TXNRD3: variants seen among roughly 807,000 people sequenced by gnomAD.
TXNRD3 encodes the protein thioredoxin reductase 3.
TXNRD3 carries 68 observed loss-of-function variants against 78.2 expected under a neutral mutation model. The ratio of observed to expected loss-of-function variants is 0.87; its 90% CI spans 0.72 to 1.06. The LOEUF is 1.06. Among genes scored for constraint, TXNRD3 ranks in the 50% least tolerant of loss-of-function variants. The pLI is 0.00. For synonymous variants in TXNRD3, 296 were observed against 300.1 expected (o/e 0.99, Z 0.14); for missense variants, 751 against 809.5 (o/e 0.93, Z 0.88).
chr3:126,647,312 A>G lies in TXNRD3; in HGVS notation c.244-16T>C, dbSNP rs1049845206. On this transcript the variant is annotated splice_polypyrimidine_tract_variant and intron_variant, in intron 1 of 15. Transcript: ENST00000524230. ...GTTCTTTCACCTGTAAAAAAAATTT[A>G]GCTAAGTTTCACTCTCAGAAAAGAT... The G allele has an allele frequency of 1.4e-5, 22 of 1,529,510 alleles. No individual in the cohort carries two copies. Among genetic ancestry groups the G allele is most frequent in the Non-Finnish European group, 1.8e-5 (21 of 1,141,652 alleles). 94.7% of individuals were successfully genotyped at this position (1,529,510 alleles called of 1,614,324 possible). A position where few individuals can be genotyped will look rare whatever the true frequency, so the allele number is the denominator to read the frequency against.
rs372380777 is a variant in TXNRD3, at chr3:126,607,843, G to A, written c.*62C>T. 13 of 1,372,908 alleles carry A rather than the reference G, an allele frequency of 9.5e-6. No homozygotes were observed. The highest frequency in any genetic ancestry group is 2.9e-5 in the African/African-American group (2 of 69,804). The allele number at this position is 1,372,908 out of a possible 1,614,324, so 85.0% of individuals were successfully genotyped here. A position where few individuals can be genotyped will look rare whatever the true frequency, so the allele number is the denominator to read the frequency against. On this transcript the variant is annotated 3_prime_UTR_variant, in exon 16 of 16. Coordinates refer to ENST00000524230, the MANE Select transcript of TXNRD3 (RefSeq NM_052883.3). Reference sequence around the variant, plus strand: ...TCATGAGCACAGGCTCATTTTATCCGAGAGCATTCTTATCTTTGAGAGAAA... The same window carrying A: ...TCATGAGCACAGGCTCATTTTATCCAAGAGCATTCTTATCTTTGAGAGAAA...
In TXNRD3 at chr3:126,616,544, C is replaced by T. The variant is rs1364152540; in HGVS notation, c.1525-1082G>A. Among the ~76,000 whole-genome samples the T allele has an allele frequency of 3.9e-5, 6 of 152,126 alleles. No individual in the cohort carries two copies. The South Asian group carries it at 8.3e-4, about 21-fold the overall frequency. On this transcript the variant is annotated intron_variant, in intron 12 of 15. Transcript: ENST00000524230. The stretch of plus-strand genomic sequence containing the variant: ...GGAAGAAATGGACCTGCAGAGTTGT[C>T]GCCAAGTTAGGCCAAGGAGGAGCAC...
intron 7 of TXNRD3, among the ~76,000 whole-genome samples, chr3:126,632,567 G>T (rs1938745509): frequency 6.6e-6 from 1 of 151,136 alleles, no homozygotes; most frequent in African/African-American, 2.4e-5. Flanking sequence ...GGCTGAGGTG[G>T]GAGAATTGCT....
At chr3:126,650,839 T>C (rs1370157283) in intron 1 of TXNRD3, among the ~76,000 whole-genome samples, 2 of 152,220 alleles carry the variant, frequency 1.3e-5, no homozygotes, top group Non-Finnish European at 2.9e-5. Context: ...CCAGCTTACA[T>C]GGCATTTTCT....
At chr3:126,638,863 T>C (rs1932986261) in intron 6 of TXNRD3, among the ~76,000 whole-genome samples, 1 of 152,240 alleles carries the variant, frequency 6.6e-6, no homozygotes, top group Non-Finnish European at 1.5e-5. Context: ...AGAATTAACG[T>C]CATTTGACCC....
At chr3:126,609,016 G>A in intron 14 of TXNRD3, 1 of 249,474 alleles carries the variant, frequency 4.0e-6, no homozygotes. Flanking sequence ...ATAAGAGGTT[G>A]CTGGCCCAGG....
At chr3:126,616,203 T>C (rs1938316691) in intron 12 of TXNRD3, among the ~76,000 whole-genome samples, 1 of 152,112 alleles carries the variant, frequency 6.6e-6, no homozygotes, top group African/African-American at 2.4e-5. Context: ...CTGGAATACT[T>C]TGGTGGGTGA....
At chr3:126,644,087 A>G (rs1393904489) in intron 4 of TXNRD3, 34 bp from the exon 5 acceptor site, 1 of 1,530,884 alleles carries the variant, frequency 6.5e-7, no homozygotes, top group Admixed American at 2.0e-5. Context: ...TTACGTATAA[A>G]GATCTTGTCA....
rs73859553 is a variant in TXNRD3 at position 126,628,075 on chromosome 3, A to C, written c.1290+1304T>G. On this transcript the variant is annotated intron_variant, in intron 10 of 15. Transcript: ENST00000524230. ...TCAACAAATTAACAGATTAAAGAAA[A>C]AATTCATCATCCACAGCTGCAAACG... is the stretch of plus-strand genomic sequence containing the variant. 4.9e-3 allele frequency among the ~76,000 whole-genome samples: 747 copies of C among 152,302 alleles called. 6 individuals are homozygous for C. The highest frequency in any genetic ancestry group is 0.017 in the African/African-American group (699 of 41,570).
intron 1 of TXNRD3, among the ~76,000 whole-genome samples, chr3:126,650,684 C>T (rs1455314371): frequency 6.6e-6 from 1 of 152,052 alleles, no homozygotes; most frequent in Non-Finnish European, 1.5e-5. Flanking sequence ...TGAAACTAAA[C>T]TTCCAGCCAT....
chr3:126,631,991 A>G (rs1938726191), intron 7 of TXNRD3, 112 bp from the exon 8 acceptor site: 4 of 682,958 alleles, frequency 5.9e-6, no homozygotes, highest in South Asian at 3.5e-5. Context: ...AACAGCAGAC[A>G]TGTGAAAAAG....
Position 126,608,543 on chromosome 3 carries a change from G to T in TXNRD3, c.1819C>A (p.Gln607Lys), listed in dbSNP as rs931017782. 18 of 1,535,978 alleles carry T rather than the reference G, an allele frequency of 1.2e-5. No homozygotes were observed. The highest frequency in any genetic ancestry group is 1.6e-5 in the Non-Finnish European group (18 of 1,146,844). ...ATTCCAATGGTGTCATCAAGTAGCT[G>T]TTTTGTGAGCCCACATTTCATTGCA... The change falls in exon 15 of 16, where the codon CAG becomes AAG. Residue 607 changes from glutamine to lysine, a missense_variant. Gln to Lys is a moderately conservative substitution (Grantham distance 53). Coordinates refer to ENST00000524230, the MANE Select transcript of TXNRD3 (RefSeq NM_052883.3).
intron 12 of TXNRD3, among the ~76,000 whole-genome samples, 155 bp downstream of exon 12, chr3:126,621,587 C>A (rs1938457884): frequency 6.6e-6 from 1 of 152,218 alleles, no homozygotes; most frequent in African/African-American, 2.4e-5. Context: ...CTCAAAAATA[C>A]TTATTTTAAT....
chr3:126,624,848 T>G, intron 10 of TXNRD3: 1 of 210,906 alleles, frequency 4.7e-6, no homozygotes, highest in South Asian at 8.7e-5. Flanking sequence ...AGGTAGAAAA[T>G]AAAGTGGCTG....
intron 6 of TXNRD3, among the ~76,000 whole-genome samples, chr3:126,637,661 T>C (rs543124933): frequency 4.4e-4 from 67 of 152,236 alleles, no homozygotes; most frequent in African/African-American, 1.6e-3. Flanking sequence ...ATGGAAGAAT[T>C]TTGCCATCTA....
chr3:126,644,670 C>G (rs1215484652), intron 3 of TXNRD3, among the ~76,000 whole-genome samples: 1 of 152,226 alleles, frequency 6.6e-6, no homozygotes, highest in African/African-American at 2.4e-5. Flanking sequence ...GGTTGTGGCT[C>G]TGTACCTATG....
At chr3:126,637,794 CCTTT>C (rs1362841195) in intron 6 of TXNRD3, among the ~76,000 whole-genome samples, 3 of 151,642 alleles carry the variant, frequency 2.0e-5, no homozygotes, top group Non-Finnish European at 4.4e-5. Context: ...ATGTTGCTTC[CCTTT>C]CTATTTTTTC....
At chr3:126,638,419 TAGTC>T (rs1415125050) in intron 6 of TXNRD3, among the ~76,000 whole-genome samples, 1 of 152,150 alleles carries the variant, frequency 6.6e-6, no homozygotes, top group Non-Finnish European at 1.5e-5. Context: ...AAGTATTTCT[TAGTC>T]AGCACCCCAA....
intron 1 of TXNRD3, among the ~76,000 whole-genome samples, 194 bp from the exon 2 acceptor site, chr3:126,647,490 C>T (rs35451927): frequency 0.027 from 4,072 of 152,244 alleles, 79 homozygotes; most frequent in Admixed American, 0.036. Flanking sequence ...CAGGCCATCC[C>T]TTGCCTTCTT....
Sources: gnomAD v4.1 joint callset for allele counts (sites outside exome capture counted in the v4.1 genomes callset) on GRCh38, gnomAD v4.1.1 for gene constraint, MANE v1.5 for transcripts, NCBI Gene and HGNC (gene_info 2026-07-23, HGNC 2026-07-21) for gene names.